SCYL2: variants seen among roughly 807,000 people sequenced by gnomAD.
SCYL2 encodes the protein SCY1-like protein 2.
In SCYL2, 36 loss-of-function variants were observed where a neutral mutation model predicts 100.4. The observed-to-expected ratio is 0.36, with a 90% CI of 0.27 to 0.47. The LOEUF (loss-of-function observed/expected upper bound fraction) is 0.47, where lower values mean the gene tolerates loss of function less well. SCYL2 is among the 20% of genes least tolerant of loss of function. The probability of loss-of-function intolerance (pLI) is 1.00; values close to 1 mark genes in which losing one functional copy is unlikely to be tolerated. For missense variants in SCYL2, 902 were observed against 1,083.9 expected (o/e 0.83, Z 2.36); for synonymous variants, 330 against 359.2 (o/e 0.92, Z 0.92).
chr12:100,283,194 A>G, intron 2 of SCYL2, 47 bp downstream of exon 2: 1 of 1,487,678 alleles, frequency 6.7e-7, no homozygotes. Context: ...ACATGCTAAG[A>G]ACCATAAAAT....
Position 100,283,163 on chromosome 12 carries a change from G to T in SCYL2, c.177+16G>T. The T allele has an allele frequency of 6.4e-7, 1 of 1,568,424 alleles. No individual in the cohort carries two copies. Among genetic ancestry groups the T allele is most frequent in the Non-Finnish European group, 8.6e-7 (1 of 1,158,062 alleles). The stretch of plus-strand genomic sequence containing the variant: ...AACAAAGCAGGTGAGTTTTAATTCA[G>T]CATCCACTTGGAAAAAACCCACATG... On this transcript the variant is annotated intron_variant, in intron 2 of 17. Coordinates refer to ENST00000360820, the MANE Select transcript of SCYL2 (RefSeq NM_017988.6).
chr12:100,322,071 C>A lies in SCYL2; in HGVS notation c.1396-1454C>A, dbSNP rs528985679. 1.3e-4 allele frequency among the ~76,000 whole-genome samples: 19 copies of A among 143,680 alleles called. No individual in the cohort carries two copies. In the East Asian group the frequency reaches 1.7e-3, roughly 13 times the overall value. The allele number at this position is 143,680 out of a possible 152,430, so 94.3% of individuals were successfully genotyped here. On this transcript the variant is annotated intron_variant, in intron 10 of 17. Transcript: ENST00000360820. ...AAAAAAAAAAAAAAAGAAAAAAAAA[C>A]CCAAGAAAACTAAAAAAAGGGCCGG... is the stretch of plus-strand genomic sequence containing the variant.
At chr12:100,272,608 A>C (rs2096288816) in intron 1 of SCYL2, among the ~76,000 whole-genome samples, 1 of 152,182 alleles carries the variant, frequency 6.6e-6, no homozygotes, top group Non-Finnish European at 1.5e-5. Flanking sequence ...AGGCAGCTCA[A>C]ATTCTACATG....
intron 8 of SCYL2, among the ~76,000 whole-genome samples, chr12:100,315,083 A>G (rs888246603): frequency 6.6e-6 from 1 of 152,182 alleles, no homozygotes; most frequent in African/African-American, 2.4e-5. Context: ...AATCTATCAG[A>G]TATTCGTTAG....
chr12:100,299,558 C>A, intron 4 of SCYL2, among the ~76,000 whole-genome samples: 1 of 152,122 alleles, frequency 6.6e-6, no homozygotes. Flanking sequence ...AAATCACTGA[C>A]CTGCTTTCTA....
chr12:100,307,874 A>G (rs1418299933), intron 4 of SCYL2, among the ~76,000 whole-genome samples: 1 of 152,252 alleles, frequency 6.6e-6, no homozygotes, highest in African/African-American at 2.4e-5. Flanking sequence ...GCAGCCAACA[A>G]ACATATGAAA....
intron 3 of SCYL2, among the ~76,000 whole-genome samples, chr12:100,296,428 G>A (rs2096320629): frequency 1.3e-5 from 2 of 152,116 alleles, no homozygotes; most frequent in African/African-American, 4.8e-5. Context: ...AAGAGTATGA[G>A]TAAAAGGAGC....
intron 1 of SCYL2, among the ~76,000 whole-genome samples, chr12:100,276,868 C>A (rs1278443574): frequency 6.6e-6 from 1 of 151,910 alleles, no homozygotes; most frequent in African/African-American, 2.4e-5. Flanking sequence ...TTTTAAACTC[C>A]CTAATATAAA....
intron 3 of SCYL2, among the ~76,000 whole-genome samples, chr12:100,294,550 C>A (rs543517808): frequency 9.0e-6 from 1 of 110,816 alleles, no homozygotes; most frequent in African/African-American, 3.5e-5. Context: ...CCTCCCAGAC[C>A]GGGCGGCTGG....
intron 13 of SCYL2, among the ~76,000 whole-genome samples, chr12:100,332,250 C>T (rs1952219442): frequency 6.6e-6 from 1 of 152,164 alleles, no homozygotes. Flanking sequence ...GATCAAGTAA[C>T]ACCCTCTGCC....
chr12:100,319,723 A>G (rs544253568), intron 10 of SCYL2, among the ~76,000 whole-genome samples: 11 of 152,238 alleles, frequency 7.2e-5, no homozygotes, highest in Middle Eastern at 3.4e-3. Flanking sequence ...GGGTTTCACC[A>G]TGTTGGCCAG....
chr12:100,281,745 A>G (rs369165268), intron 1 of SCYL2, among the ~76,000 whole-genome samples: 1 of 151,700 alleles, frequency 6.6e-6, no homozygotes, highest in Non-Finnish European at 1.5e-5. Context: ...GAGGCAGGAG[A>G]ATGGCGTGAA....
At chr12:100,274,377 G>A (rs899261339) in intron 1 of SCYL2, among the ~76,000 whole-genome samples, 3 of 152,166 alleles carry the variant, frequency 2.0e-5, no homozygotes, top group African/African-American at 7.2e-5. Context: ...TATTGTGATA[G>A]TGCTTTACTT....
At chr12:100,273,891 T>A (rs2096290025) in intron 1 of SCYL2, among the ~76,000 whole-genome samples, 2 of 152,224 alleles carry the variant, frequency 1.3e-5, no homozygotes, top group Middle Eastern at 3.2e-3. Context: ...TATAACAAGA[T>A]GCACGGCATT....
intron 1 of SCYL2, among the ~76,000 whole-genome samples, chr12:100,273,895 C>T (rs57537430): frequency 0.013 from 1,938 of 152,238 alleles, 97 homozygotes; most frequent in Admixed American, 0.093. Context: ...ACAAGATGCA[C>T]GGCATTTAAT....
intron 16 of SCYL2, 63 bp downstream of exon 16, chr12:100,335,969 C>G: frequency 4.1e-6 from 5 of 1,209,618 alleles, no homozygotes; most frequent in Non-Finnish European, 6.1e-6. Context: ...CTGTAAACCA[C>G]AGATTTTTGT....
intron 4 of SCYL2, among the ~76,000 whole-genome samples, chr12:100,308,750 G>T (rs746450156): frequency 2.0e-5 from 3 of 152,154 alleles, no homozygotes; most frequent in Non-Finnish European, 4.4e-5. Flanking sequence ...GCAGAGGCCT[G>T]CCAAGAAACT....
intron 10 of SCYL2, among the ~76,000 whole-genome samples, chr12:100,322,057 A>G (rs1185051645): frequency 2.6e-5 from 4 of 150,994 alleles, no homozygotes; most frequent in African/African-American, 7.3e-5. Flanking sequence ...AAAAAAAAAA[A>G]AAAGAAAAAA....
intron 7 of SCYL2, among the ~76,000 whole-genome samples, chr12:100,313,880 ATT>A (rs769757760): frequency 3.7e-5 from 5 of 133,948 alleles, no homozygotes; most frequent in Non-Finnish European, 3.3e-5. Flanking sequence ...ATAACCATGG[ATT>A]TTTTTTTTTT....
Sources: gnomAD v4.1 joint callset for allele counts (sites outside exome capture counted in the v4.1 genomes callset) on GRCh38, gnomAD v4.1.1 for gene constraint, MANE v1.5 for transcripts, NCBI Gene and HGNC (gene_info 2026-07-23, HGNC 2026-07-21) for gene names.